NFATC2: variants seen among roughly 807,000 people sequenced by gnomAD.
The protein encoded by NFATC2 is nuclear factor of activated T-cells, cytoplasmic 2.
Under a neutral mutation model 87.3 loss-of-function variants are expected in NFATC2, and 22 were observed. That is an observed-to-expected ratio of 0.25 (90% CI 0.18 to 0.36). The LOEUF (loss-of-function observed/expected upper bound fraction) is 0.36. NFATC2 is among the 10% of genes least tolerant of loss of function. The pLI, the probability that NFATC2 is intolerant of heterozygous loss-of-function variation, is 1.00. For missense variants in NFATC2, 1,149 were observed against 1,259.1 expected (o/e 0.91, Z 1.32); for synonymous variants, 565 against 542.2 (o/e 1.04, Z -0.58).
rs61735418 is a variant in NFATC2 at position 51,523,337 on chromosome 20, C to A, written c.904G>T (p.Val302Leu). Residue 302 changes from valine to leucine, a missense_variant, in exon 2 of 11, where the codon GTG (valine) becomes TTG (leucine). By Grantham distance (32) the Val-to-Leu change is conservative. This residue lies in a region of NFATC2 where 563 missense variants were observed against 585.2 expected (regional missense o/e 0.96). Coordinates refer to ENST00000371564, the MANE Select transcript of NFATC2 (RefSeq NM_012340.5). The surrounding 1 kb of genome is among the most constrained non-coding windows in gnomAD (Gnocchi z 6.9). ...AGGCTGTTCAGGGCATCCATGATCA[C>A]GGCAGAGCCAGCCACAGGGGGGTAC... ...AGYPPVAGSAVIMDALNSLAT... is the reference protein window; with the variant it reads ...AGYPPVAGSALIMDALNSLAT... The A allele has an allele frequency of 4.0e-4, 644 of 1,612,312 alleles. 1 individual carries two copies. In the African/African-American group the frequency reaches 8.1e-3, roughly 20 times the overall value.
chr20:51,557,952 C>A (rs2076992145), intron 1 of NFATC2, among the ~76,000 whole-genome samples: 1 of 152,158 alleles, frequency 6.6e-6, no homozygotes, highest in Admixed American at 6.5e-5. Flanking sequence ...AGGATGCAAG[C>A]AGCACAGGAC....
In NFATC2 at chr20:51,523,003, T is replaced by C. The variant is rs533399676; in HGVS notation, c.1160+78A>G. ...TTAAAGTCAGTCTTAAACCTGACTCTGAATCCCATGCTCATAACCAGAAAA... is the reference window on the plus strand; with the variant it reads ...TTAAAGTCAGTCTTAAACCTGACTCCGAATCCCATGCTCATAACCAGAAAA... On this transcript the variant is annotated intron_variant, in intron 2 of 10. Coordinates refer to ENST00000371564, the MANE Select transcript of NFATC2 (RefSeq NM_012340.5). The surrounding 1 kb of genome is among the most constrained non-coding windows in gnomAD (Gnocchi z 6.9). 1 of 1,581,032 alleles carries C rather than the reference T, an allele frequency of 6.3e-7. No individual in the cohort carries two copies. The highest frequency in any genetic ancestry group is 2.2e-5 in the East Asian group (1 of 44,730).
At chr20:51,547,771 C>A (rs1036299682) in intron 1 of NFATC2, among the ~76,000 whole-genome samples, 3 of 152,184 alleles carry the variant, frequency 2.0e-5, no homozygotes, top group Admixed American at 6.5e-5. Context: ...TGAGTCCTCG[C>A]CTTTTCTCAT....
chr20:51,542,327 C>T (rs1324877745), intron 1 of NFATC2, 43 bp downstream of exon 1: 14 of 1,583,698 alleles, frequency 8.8e-6, no homozygotes, highest in Non-Finnish European at 1.1e-5. Flanking sequence ...GGCCTGAGCC[C>T]CTGGCGGGCT....
upstream of NFATC2, among the ~76,000 whole-genome samples, chr20:51,545,780 G>A (rs866502721): frequency 6.6e-6 from 1 of 152,098 alleles, no homozygotes; most frequent in Non-Finnish European, 1.5e-5. Context: ...GTGGATGGAC[G>A]GATGGATGGA....
rs1207868939 is a variant in NFATC2, at chr20:51,396,034, GTATGTATATATATATATATATATATATA to G, written c.*44+2581_*44+2608del. ...AAGAGCTGTAGTTTGTCAGCTCCTA[GTATGTATATATATATATATATATATATA>G]TATATATATATATATATATATATAT... is the stretch of plus-strand genomic sequence containing the variant. On this transcript the variant is annotated intron_variant, in intron 10 of 10. Coordinates refer to ENST00000371564, the MANE Select transcript of NFATC2 (RefSeq NM_012340.5). Among the ~76,000 whole-genome samples, 1,191 of 126,492 alleles carry G rather than the reference GTATGTATATATATATATATATATATATA, an allele frequency of 9.4e-3. 25 individuals carry two copies. The highest frequency in any genetic ancestry group is 0.013 in the East Asian group (61 of 4,538). The allele number at this position is 126,492 out of a possible 152,430, so 83.0% of individuals were successfully genotyped here.
At chr20:51,396,767 C>A (rs1987210614) in intron 10 of NFATC2, among the ~76,000 whole-genome samples, 1 of 152,180 alleles carries the variant, frequency 6.6e-6, no homozygotes, top group East Asian at 1.9e-4. Context: ...CACGACCCCT[C>A]CATGCTTGGG....
Position 51,389,451 on chromosome 20 carries a change from G to A in NFATC2, c.*2045C>T, listed in dbSNP as rs1326172511. ...CCAGTGAAGTCAATATTGCTGGAGA[G>A]AAAATTCTTTAGGTGAAGCTGCTAG... is the stretch of plus-strand genomic sequence containing the variant. On this transcript the variant is annotated 3_prime_UTR_variant, in exon 11 of 11. Coordinates refer to ENST00000371564, the MANE Select transcript of NFATC2 (RefSeq NM_012340.5). 2 of 152,182 alleles carry A rather than the reference G, an allele frequency of 1.3e-5. No individual in the cohort carries two copies. The highest frequency in any genetic ancestry group is 1.5e-5 in the Non-Finnish European group (1 of 68,032). The allele number at this position is 152,182 out of a possible 1,614,324, so 9.4% of individuals were successfully genotyped here. A position where few individuals can be genotyped will look rare whatever the true frequency, so the allele number is the denominator to read the frequency against.
chr20:51,491,428 C>T (rs924627614), intron 3 of NFATC2, among the ~76,000 whole-genome samples: 1 of 152,152 alleles, frequency 6.6e-6, no homozygotes, highest in Non-Finnish European at 1.5e-5. Context: ...GTGAGGTATG[C>T]AATGGTAGAC....
chr20:51,493,717 T>C (rs1364425022), intron 3 of NFATC2, among the ~76,000 whole-genome samples: 1 of 151,876 alleles, frequency 6.6e-6, no homozygotes, highest in African/African-American at 2.4e-5. Context: ...AGGAACAGAG[T>C]CGATCACATT....
At position 51,424,773 on chromosome 20, in the gene NFATC2, G is replaced by A. The variant is rs563609042; in HGVS notation, c.2722+7294C>T. ...AAGTTTCCACCCATGGGGGACCTGT[G>A]TGTACGTTTTACCACCTTTTGTAGA... On this transcript the variant is annotated intron_variant, in intron 9 of 10. Coordinates refer to ENST00000371564, the MANE Select transcript of NFATC2 (RefSeq NM_012340.5). Among the ~76,000 whole-genome samples, 4 of 151,996 alleles carry A rather than the reference G, an allele frequency of 2.6e-5. 1 individual carries two copies. The highest frequency in any genetic ancestry group is 9.7e-5 in the African/African-American group (4 of 41,424).
chr20:51,406,013 G>A (rs1369948875), intron 9 of NFATC2, among the ~76,000 whole-genome samples: 2 of 152,194 alleles, frequency 1.3e-5, no homozygotes, highest in Non-Finnish European at 2.9e-5. Flanking sequence ...CTGACCTCAG[G>A]TGATCCGCTG....
rs752447034 is a variant in NFATC2, at chr20:51,523,482, C to T, written c.759G>A (p.Arg253=). ...SRSSSPGAKR[R]HSCAEALVAL... is the part of the protein sequence containing the mutation. ...CAACCAAGGCCTCGGCGCACGAATG[C>T]CTCCGCTTGGCACCAGGCGATGAGG... The change falls in exon 2 of 11, where the codon AGG becomes AGA. Residue 253 remains arginine, a synonymous_variant. Transcript: ENST00000371564. This position sits in a 1 kb window ranked among gnomAD's most constrained non-coding sequence, Gnocchi z 6.9. 3.8e-5 allele frequency: 61 copies of T among 1,611,562 alleles called. No homozygotes were observed. The highest frequency in any genetic ancestry group is 1.7e-4 in the Admixed American group (10 of 59,660).
intron 3 of NFATC2, among the ~76,000 whole-genome samples, chr20:51,506,571 G>A (rs1230884407): frequency 1.4e-5 from 2 of 144,956 alleles, no homozygotes; most frequent in Non-Finnish European, 3.0e-5. Context: ...TTCCGAGGCC[G>A]TTAGGAGTCT....
intron 6 of NFATC2, among the ~76,000 whole-genome samples, chr20:51,443,036 T>C (rs1014137935): frequency 6.6e-6 from 1 of 152,094 alleles, no homozygotes; most frequent in Non-Finnish European, 1.5e-5. Context: ...ACACTGGCCT[T>C]CTCTCTCCCT....
chr20:51,457,143 T>G (rs1183063899), intron 5 of NFATC2, among the ~76,000 whole-genome samples: 1 of 152,256 alleles, frequency 6.6e-6, no homozygotes, highest in African/African-American at 2.4e-5. Flanking sequence ...TATCAAAGTT[T>G]TGTGATGACT....
chr20:51,395,981 A>C (rs1194079398), intron 10 of NFATC2, among the ~76,000 whole-genome samples: 1 of 147,616 alleles, frequency 6.8e-6, no homozygotes, highest in Admixed American at 6.8e-5. Context: ...TTCATTTGCC[A>C]AAACAGGCTG....
chr20:51,439,462 C>T lies in NFATC2; in HGVS notation c.1850-3701G>A, dbSNP rs147149223. Among the ~76,000 whole-genome samples the T allele has an allele frequency of 4.4e-3, 676 of 152,336 alleles. 3 individuals are homozygous for T. Among genetic ancestry groups the T allele is most frequent in the Non-Finnish European group, 7.1e-3 (481 of 68,018 alleles). ...AGTTTCAGATCCCTGTGCCTTGCAG[C>T]TCCTCCATCTAGTTCCTCTCCTCTG... is the stretch of plus-strand genomic sequence containing the variant. On this transcript the variant is annotated intron_variant, in intron 6 of 10. Coordinates refer to ENST00000371564, the MANE Select transcript of NFATC2 (RefSeq NM_012340.5).
chr20:51,523,184 C>G lies in NFATC2; in HGVS notation c.1057G>C (p.Gly353Arg). Residue 353 changes from glycine to arginine, a missense_variant, in exon 2 of 11, where the codon GGG becomes CGG. Gly to Arg is a moderately radical substitution (Grantham distance 125). This residue lies in a region of NFATC2 where 563 missense variants were observed against 585.2 expected (regional missense o/e 0.96). Coordinates refer to ENST00000371564, the MANE Select transcript of NFATC2 (RefSeq NM_012340.5). The surrounding 1 kb of genome is among the most constrained non-coding windows in gnomAD (Gnocchi z 6.9). ...CTCCTCTCGCCCTGCTCGCAGGGCC[C>G]CAGGAACTCCACGGCCGGGTAGATG... is the stretch of plus-strand genomic sequence containing the variant. ...RHIYPAVEFL[G>R]PCEQGERRNS... The G allele has an allele frequency of 6.2e-7, 1 of 1,614,182 alleles. No homozygotes were observed. The highest frequency in any genetic ancestry group is 1.3e-5 in the African/African-American group (1 of 75,066).
Sources: gnomAD v4.1 joint callset for allele counts (sites outside exome capture counted in the v4.1 genomes callset) on GRCh38, gnomAD v4.1.1 for gene constraint, gnomAD v4.1.1 regional missense constraint, Gnocchi (gnomAD v3.1) non-coding constraint, MANE v1.5 for transcripts, NCBI Gene and HGNC (gene_info 2026-07-23, HGNC 2026-07-21) for gene names.